Variants in AMBRA1 observed in about 807,000 individuals in gnomAD.
AMBRA1 encodes autophagy and beclin 1 regulator 1.
In AMBRA1, 47 loss-of-function variants were observed where a neutral mutation model predicts 125.4. The observed-to-expected ratio is 0.37, with a 90% confidence interval of 0.30 to 0.48. AMBRA1 has a LOEUF of 0.48. Ranked by LOEUF, AMBRA1 falls within the 20% of genes least tolerant of loss-of-function variation. AMBRA1 has a pLI of 0.99. For missense variants in AMBRA1, 1,331 were observed against 1,693.4 expected, an observed-to-expected ratio of 0.79 and a Z score of 3.76; for synonymous variants, 626 against 655.5, an observed-to-expected ratio of 0.95 and a Z score of 0.69.
At chr11:46,482,787 G>A (rs921187341) in intron 11 of AMBRA1, among the ~76,000 whole-genome samples, 1 of 152,030 alleles carries the variant, frequency 6.6e-6, no homozygotes, top group Non-Finnish European at 1.5e-5. Flanking sequence ...GAGGCAGGCA[G>A]ATCATAAGGT....
chr11:46,555,107 C>T (rs1049339207), intron 1 of AMBRA1, among the ~76,000 whole-genome samples: 1 of 152,056 alleles, frequency 6.6e-6, no homozygotes, highest in South Asian at 2.1e-4. Context: ...AAGACAAATG[C>T]CAAGATTCCA....
chr11:46,546,019 C>A, intron 4 of AMBRA1: 2 of 347,960 alleles, frequency 5.7e-6, no homozygotes, highest in Non-Finnish European at 1.0e-5. Context: ...AGCATATATA[C>A]ACAGTTCCTA....
At chr11:46,553,719 T>C (rs1479262297) in intron 1 of AMBRA1, among the ~76,000 whole-genome samples, 1 of 151,572 alleles carries the variant, frequency 6.6e-6, no homozygotes, top group African/African-American at 2.4e-5. Context: ...TACTTCAGCC[T>C]GGGTGACAGA....
chr11:46,539,877 G>C (rs1159095937), intron 7 of AMBRA1, among the ~76,000 whole-genome samples: 1 of 151,996 alleles, frequency 6.6e-6, no homozygotes, highest in Non-Finnish European at 1.5e-5. Flanking sequence ...CATCACCCAG[G>C]CTGGAGTGCA....
chr11:46,458,217 C>T (rs1475747656), intron 11 of AMBRA1, among the ~76,000 whole-genome samples: 2 of 152,138 alleles, frequency 1.3e-5, no homozygotes, highest in African/African-American at 4.8e-5. Context: ...AACATTAACA[C>T]CAGGAACACA....
intron 1 of AMBRA1, among the ~76,000 whole-genome samples, chr11:46,566,975 C>A (rs1047919254): frequency 6.6e-6 from 1 of 152,088 alleles, no homozygotes; most frequent in African/African-American, 2.4e-5. Context: ...GAGATCGCAC[C>A]ACTGCACTCT....
At chr11:46,494,477 C>A in intron 9 of AMBRA1, 1 of 344,180 alleles carries the variant, frequency 2.9e-6, no homozygotes. Flanking sequence ...CAAACTGAAG[C>A]CACATTTAGA....
chr11:46,571,687 C>CTTTTT (rs543760300), intron 1 of AMBRA1, among the ~76,000 whole-genome samples: 1 of 123,920 alleles, frequency 8.1e-6, no homozygotes, highest in Admixed American at 8.7e-5. Context: ...ATCAATCAAT[C>CTTTTT]TTTTTTTTTT....
intron 11 of AMBRA1, among the ~76,000 whole-genome samples, chr11:46,444,186 C>T (rs1041514043): frequency 2.6e-5 from 4 of 152,128 alleles, no homozygotes; most frequent in African/African-American, 7.2e-5. Context: ...TCTTCTGGAC[C>T]CCTGGCACGT....
intron 1 of AMBRA1, among the ~76,000 whole-genome samples, chr11:46,572,814 C>G (rs11038922): frequency 0.024 from 3,612 of 152,236 alleles, 84 homozygotes; most frequent in South Asian, 0.13. Context: ...GTATTCTGAG[C>G]TGGGTATGGT....
At chr11:46,456,221 G>GA (rs894782688) in intron 11 of AMBRA1, among the ~76,000 whole-genome samples, 11 of 150,932 alleles carry the variant, frequency 7.3e-5, no homozygotes, top group South Asian at 4.2e-4. Context: ...AAAAATGGGG[G>GA]AAAAAAAAAC....
At chr11:46,408,133 A>C (rs1025971382) in intron 17 of AMBRA1, among the ~76,000 whole-genome samples, 78 of 152,332 alleles carry the variant, frequency 5.1e-4, no homozygotes, top group African/African-American at 1.8e-3. Flanking sequence ...AATCTGCCAC[A>C]CTGGTAGGGG....
intron 11 of AMBRA1, among the ~76,000 whole-genome samples, chr11:46,444,548 T>C (rs541565878): frequency 3.9e-5 from 6 of 152,354 alleles, no homozygotes; most frequent in Non-Finnish European, 5.9e-5. Flanking sequence ...CATTCTTGTA[T>C]GCTAGCTAAC....
rs575574190 is a variant in AMBRA1, at chr11:46,458,087, C to T, written c.2522-14489G>A. ...GAATGGGTCTGTTTCACAGCATAAACTGCTCTGAAACTTGAGAAGTCCCCA... is the reference window on the plus strand; with the variant it reads ...GAATGGGTCTGTTTCACAGCATAAATTGCTCTGAAACTTGAGAAGTCCCCA... On this transcript the variant is annotated intron_variant, in intron 11 of 17. Coordinates refer to ENST00000683756, the MANE Select transcript of AMBRA1 (RefSeq NM_001387011.1). Among the ~76,000 whole-genome samples the T allele has an allele frequency of 5.3e-5, 8 of 152,262 alleles. No homozygotes were observed. The South Asian group carries it at 1.7e-3, about 32-fold the overall frequency.
At chr11:46,492,436 C>T (rs908733331) in intron 11 of AMBRA1, among the ~76,000 whole-genome samples, 4 of 152,246 alleles carry the variant, frequency 2.6e-5, no homozygotes, top group African/African-American at 9.6e-5. Context: ...TTAACCATCA[C>T]ATGGCCCAGA....
At chr11:46,477,478 A>G (rs1453145903) in intron 11 of AMBRA1, among the ~76,000 whole-genome samples, 1 of 149,832 alleles carries the variant, frequency 6.7e-6, no homozygotes, top group Non-Finnish European at 1.5e-5. Context: ...TGCACATGCT[A>G]CCAAGCTCAG....
At chr11:46,457,178 G>A (rs1948885550) in intron 11 of AMBRA1, among the ~76,000 whole-genome samples, 1 of 152,216 alleles carries the variant, frequency 6.6e-6, no homozygotes, top group Non-Finnish European at 1.5e-5. Flanking sequence ...AGCGAAGAAA[G>A]GTGAAGAGCT....
intron 14 of AMBRA1, among the ~76,000 whole-genome samples, chr11:46,419,477 G>A (rs1565137829): frequency 6.6e-6 from 1 of 152,150 alleles, no homozygotes. Flanking sequence ...TGTATAAAAT[G>A]CCTGCCATGG....
chr11:46,535,789 T>TA (rs774844291), intron 7 of AMBRA1, among the ~76,000 whole-genome samples: 3 of 151,864 alleles, frequency 2.0e-5, no homozygotes, highest in South Asian at 2.1e-4. Flanking sequence ...ACCAAAAAGA[T>TA]AAAAAAAGGG....
Sources: gnomAD v4.1 joint callset for allele counts (sites outside exome capture counted in the v4.1 genomes callset) on GRCh38, gnomAD v4.1.1 for gene constraint, MANE v1.5 for transcripts, NCBI Gene and HGNC (gene_info 2026-07-23, HGNC 2026-07-21) for gene names.